CCDC88C: variants seen among roughly 807,000 people sequenced by gnomAD.
CCDC88C encodes the protein coiled-coil and HOOK domain protein 88C.
A neutral mutation model predicts 198.8 loss-of-function variants in CCDC88C; 131 were observed. The ratio of observed to expected loss-of-function variants is 0.66; its 90% CI spans 0.57 to 0.76. CCDC88C has a LOEUF of 0.76. Among genes scored for constraint, CCDC88C ranks in the 30% least tolerant of loss-of-function variants. The pLI, the probability that CCDC88C is intolerant of heterozygous loss-of-function variation, is 0.00. For synonymous variants in CCDC88C, 1,166 were observed against 1,114.7 expected, an observed-to-expected ratio of 1.05 and a Z score of -0.92; for missense variants, 2,553 against 2,631.6, an observed-to-expected ratio of 0.97 and a Z score of 0.65.
At chr14:91,322,797 T>G (rs954850154) in intron 12 of CCDC88C, among the ~76,000 whole-genome samples, 4 of 152,118 alleles carry the variant, frequency 2.6e-5, no homozygotes, top group Non-Finnish European at 2.9e-5. Context: ...TAAGGTTCTG[T>G]GAGTTAAACA....
At chr14:91,401,813 A>G (rs1038937956) in intron 3 of CCDC88C, among the ~76,000 whole-genome samples, 1 of 152,194 alleles carries the variant, frequency 6.6e-6, no homozygotes, top group African/African-American at 2.4e-5. Context: ...TGCCTCTTGT[A>G]CCAGTAGCCA....
At position 91,390,096 on chromosome 14, in the gene CCDC88C, T is replaced by TAA. The variant is rs373819677; in HGVS notation, c.270+18561_270+18562dup. ...CAAAAAAAAAGAAAAAGAAAAAGGA[T>TAA]AAAAAAAAAAAAGAGAAAATATAAG... On this transcript the variant is annotated intron_variant, in intron 3 of 29. Coordinates refer to ENST00000389857, the MANE Select transcript of CCDC88C (RefSeq NM_001080414.4). Among the ~76,000 whole-genome samples the TAA allele has an allele frequency of 6.6e-5, 9 of 135,454 alleles. No homozygotes were observed. In the East Asian group the frequency reaches 1.9e-3, roughly 29 times the overall value. The allele number at this position is 135,454 out of a possible 152,430, so 88.9% of individuals were successfully genotyped here.
intron 10 of CCDC88C, among the ~76,000 whole-genome samples, chr14:91,330,659 G>A (rs897326389): frequency 6.6e-6 from 1 of 152,162 alleles, no homozygotes; most frequent in African/African-American, 2.4e-5. Flanking sequence ...AACCAAGGTG[G>A]CCCTGTGCTC....
At chr14:91,320,515 G>C (rs1892311300) in intron 13 of CCDC88C, among the ~76,000 whole-genome samples, 1 of 152,198 alleles carries the variant, frequency 6.6e-6, no homozygotes, top group South Asian at 2.1e-4. Context: ...AGCCATCTAG[G>C]CAATAGCGGA....
chr14:91,278,262 C>T, intron 28 of CCDC88C, 51 bp from the exon 29 acceptor site: 1 of 1,523,286 alleles, frequency 6.6e-7, no homozygotes. Flanking sequence ...TGGCAGCCCT[C>T]TGGTGGCTTC....
intron 3 of CCDC88C, among the ~76,000 whole-genome samples, chr14:91,386,177 C>G (rs8019647): frequency 0.32 from 47,822 of 151,580 alleles, 7,701 homozygotes; most frequent in East Asian, 0.37. Flanking sequence ...GGCGCGGTGG[C>G]TCACGCTTGT....
chr14:91,362,183 G>A (rs1385567005), intron 3 of CCDC88C, among the ~76,000 whole-genome samples: 2 of 150,786 alleles, frequency 1.3e-5, no homozygotes, highest in African/African-American at 2.4e-5. Context: ...GCAGGGAGCC[G>A]AGATCGCACC....
At chr14:91,384,277 T>C (rs915801923) in intron 3 of CCDC88C, 150 of 260,752 alleles carry the variant, frequency 5.8e-4, no homozygotes, top group Middle Eastern at 1.5e-3. Context: ...ATCTCTCTTT[T>C]TTTTTTTTTT....
chr14:91,316,950 A>G (rs1347747750), intron 13 of CCDC88C, among the ~76,000 whole-genome samples: 2 of 152,212 alleles, frequency 1.3e-5, no homozygotes, highest in Admixed American at 6.5e-5. Flanking sequence ...GGCATGGGCA[A>G]CAGTCTCATG....
chr14:91,283,313 AG>A lies in CCDC88C; in HGVS notation c.4630+15del, dbSNP rs777439207. The A allele has an allele frequency of 6.2e-7, 1 of 1,611,122 alleles. No individual in the cohort carries two copies. The highest frequency in any genetic ancestry group is 1.3e-5 in the African/African-American group (1 of 75,004). ...TAGGCCCGACGCTCATGGCTCTGGA[AG>A]GGCCTGTGACTCACCTTTGGTGCGG... On this transcript the variant is annotated intron_variant, in intron 26 of 29. Transcript: ENST00000389857.
rs748826656 is a variant in CCDC88C, at chr14:91,313,914, C to G, written c.1902G>C (p.Glu634Asp). Reference protein sequence around the residue: ...KEKGERAEKLERELQRLQEEN... With the variant: ...KEKGERAEKLDRELQRLQEEN... ...CCTCCTGGAGTCGCTGTAGCTCCCT[C>G]TCCAGCTTCTCTGCCCGCTCCCCCT... The change falls in exon 15 of 30, where the codon GAG (glutamate) becomes GAC (aspartate). Residue 634 changes from glutamate (E) to aspartate (D), a missense_variant. This residue lies in a region of CCDC88C where 1,260 missense variants were observed against 1,412.0 expected (regional missense o/e 0.89). Transcript: ENST00000389857. The surrounding 1 kb of genome is among the most constrained non-coding windows in gnomAD (Gnocchi z 5.2). 1 of 1,612,298 alleles carries G rather than the reference C, an allele frequency of 6.2e-7. No homozygotes were observed. The highest frequency in any genetic ancestry group is 8.5e-7 in the Non-Finnish European group (1 of 1,179,794).
chr14:91,281,333 T>C (rs1391913378), intron 27 of CCDC88C, 124 bp downstream of exon 27: 29 of 1,549,514 alleles, frequency 1.9e-5, no homozygotes, highest in Non-Finnish European at 2.5e-5. Flanking sequence ...GAAGAATGGG[T>C]CCCCCATTTC....
chr14:91,351,332 G>A (rs1331568400), intron 4 of CCDC88C, among the ~76,000 whole-genome samples: 2 of 152,140 alleles, frequency 1.3e-5, no homozygotes, highest in East Asian at 3.9e-4. Context: ...ACACGACCCT[G>A]TTGTCTCTCC....
chr14:91,296,478 G>A (rs897870867), intron 22 of CCDC88C, among the ~76,000 whole-genome samples: 37 of 152,184 alleles, frequency 2.4e-4, no homozygotes, highest in African/African-American at 6.5e-4. Flanking sequence ...TGGGGGCGAG[G>A]ATTCCACAGG....
chr14:91,292,057 A>C (rs1259173775), intron 23 of CCDC88C, among the ~76,000 whole-genome samples: 1 of 152,118 alleles, frequency 6.6e-6, no homozygotes, highest in African/African-American at 2.4e-5. Context: ...GAGGCCTTAC[A>C]TGAGAGGTAA....
At chr14:91,417,211 C>T (rs1887111427) in intron 1 of CCDC88C, 2 of 703,040 alleles carry the variant, frequency 2.8e-6, no homozygotes. Context: ...CACCCGTCAC[C>T]GCCATCCACC....
intron 3 of CCDC88C, among the ~76,000 whole-genome samples, chr14:91,401,358 G>A (rs1031467006): frequency 1.7e-5 from 2 of 117,822 alleles, no homozygotes; most frequent in Non-Finnish European, 3.7e-5. Flanking sequence ...TTTTTGAGAC[G>A]GAGCCTTACT....
Position 91,313,826 on chromosome 14 carries a change from G to A in CCDC88C, c.1990C>T (p.Leu664=), listed in dbSNP as rs745847356. The change falls in exon 15 of 30, where the codon CTG becomes TTG. Residue 664 remains leucine (L), a synonymous_variant. Transcript: ENST00000389857. This position sits in a 1 kb window ranked among gnomAD's most constrained non-coding sequence, Gnocchi z 5.2. ...TGCAGGCCCTGGCTCTCATGCTCCA[G>A]GGCCTCGACTTTCTCGGTGGCTGTC... ...LETATEKVEA[L]EHESQGLQLE... 3 of 1,604,042 alleles carry A rather than the reference G, an allele frequency of 1.9e-6. No individual in the cohort carries two copies. The African/African-American group carries it at 4.0e-5, about 21-fold the overall frequency.
intron 10 of CCDC88C, among the ~76,000 whole-genome samples, chr14:91,328,815 G>C (rs1951518): frequency 0.55 from 84,163 of 151,988 alleles, 25,131 homozygotes; most frequent in Non-Finnish European, 0.67. Context: ...AACTCACACC[G>C]ACAGAGCACC....
Sources: gnomAD v4.1 joint callset for allele counts (sites outside exome capture counted in the v4.1 genomes callset) on GRCh38, gnomAD v4.1.1 for gene constraint, gnomAD v4.1.1 regional missense constraint, Gnocchi (gnomAD v3.1) non-coding constraint, MANE v1.5 for transcripts, NCBI Gene and HGNC (gene_info 2026-07-23, HGNC 2026-07-21) for gene names.